The following ITGAE variants were observed in gnomAD, a reference collection of about 807,000 sequenced individuals.
ITGAE encodes integrin alpha-E.
Under a neutral mutation model 136.5 loss-of-function variants are expected in ITGAE, and 99 were observed. The ratio of observed to expected loss-of-function variants is 0.73; its 90% CI spans 0.62 to 0.86. The LOEUF (loss-of-function observed/expected upper bound fraction) is 0.86, where lower values mean the gene tolerates loss of function less well. Ranked by LOEUF, ITGAE falls within the 40% of genes least tolerant of loss-of-function variation. The probability of loss-of-function intolerance (pLI) is 0.00; values close to 1 mark genes in which losing one functional copy is unlikely to be tolerated. For synonymous variants in ITGAE, 613 were observed against 591.8 expected (o/e 1.04, Z -0.52); for missense variants, 1,447 against 1,515.3 (o/e 0.95, Z 0.75).
At chr17:3,763,991 C>A in intron 2 of ITGAE, 31 bp from the exon 3 acceptor site, 1 of 1,510,164 alleles carries the variant, frequency 6.6e-7, no homozygotes, top group South Asian at 1.1e-5. Context: ...CAAAGCTGAG[C>A]TGGCTGATGT....
intron 2 of ITGAE, among the ~76,000 whole-genome samples, chr17:3,776,895 C>T (rs1417976636): frequency 1.3e-5 from 2 of 150,678 alleles, no homozygotes; most frequent in Non-Finnish European, 3.0e-5. Flanking sequence ...TCCAAATGTT[C>T]TATATTGAAC....
chr17:3,750,456 TGG>T lies in ITGAE; in HGVS notation c.1918_1919del (p.Pro640ArgfsTer14). 3 of 1,614,114 alleles carry T rather than the reference TGG, an allele frequency of 1.9e-6. No individual in the cohort carries two copies. The highest frequency in any genetic ancestry group is 2.5e-6 in the Non-Finnish European group (3 of 1,180,014). ...SQRIRASTVAPGLQYFGMSMA... is the reference protein window; with the variant it reads ...SQRIRASTVAXGLQYFGMSMA... ...TGGACATGCCGAAGTACTGGAGTCC[TGG>T]GGCCACCGTGGAGGCTCTGATCCGC... On this transcript the variant is annotated frameshift_variant, in exon 16 of 31. Coordinates refer to ENST00000263087, the MANE Select transcript of ITGAE (RefSeq NM_002208.5). LOFTEE classifies it high-confidence loss of function.
At chr17:3,774,670 C>T (rs1343068933) in intron 2 of ITGAE, among the ~76,000 whole-genome samples, 1 of 152,132 alleles carries the variant, frequency 6.6e-6, no homozygotes, top group Non-Finnish European at 1.5e-5. Context: ...GAGGCTGAGG[C>T]AGGAGAATCA....
chr17:3,762,747 G>A (rs937868745), intron 3 of ITGAE, among the ~76,000 whole-genome samples: 5 of 151,368 alleles, frequency 3.3e-5, no homozygotes, highest in African/African-American at 9.7e-5. Context: ...ACGTGTGCCC[G>A]TCACCACACC....
At position 3,755,160 on chromosome 17, in the gene ITGAE, C is replaced by T. The variant is rs761960415; in HGVS notation, c.1341G>A (p.Ala447=). ...CAGCCTCCGCGTCTGCCGCCGCCGCCGCTGTCTGGTTCAGGAAGCGGCCCC... is the reference window on the plus strand; with the variant it reads ...CAGCCTCCGCGTCTGCCGCCGCCGCTGCTGTCTGGTTCAGGAAGCGGCCCC... ...SRRGRFLNQT[A]AAAADAEAAQ... The change falls in exon 12 of 31, where the codon GCG becomes GCA. Residue 447 remains alanine, a synonymous_variant. Transcript: ENST00000263087. The T allele has an allele frequency of 5.2e-6, 8 of 1,544,550 alleles. No homozygotes were observed. The Admixed American group carries it at 5.5e-5, about 11-fold the overall frequency.
chr17:3,750,225 G>C (rs2051829351), intron 16 of ITGAE, 127 bp downstream of exon 16: 1 of 1,353,074 alleles, frequency 7.4e-7, no homozygotes, highest in Non-Finnish European at 1.0e-6. Context: ...GCAGACTCCA[G>C]AGCCTGTGCC....
At chr17:3,745,022 A>G (rs1228162215) in intron 18 of ITGAE, among the ~76,000 whole-genome samples, 1 of 152,166 alleles carries the variant, frequency 6.6e-6, no homozygotes, top group African/African-American at 2.4e-5. Flanking sequence ...GCATTTGTTT[A>G]TTGGAATAAA....
At position 3,761,053 on chromosome 17, in the gene ITGAE, T is replaced by TTCC. The variant is rs539432722; in HGVS notation, c.555_557dup (p.Glu186dup). 3 of 1,608,168 alleles carry TTCC rather than the reference T, an allele frequency of 1.9e-6. No individual in the cohort carries two copies. Among genetic ancestry groups the TTCC allele is most frequent in the Admixed American group, 3.3e-5 (2 of 59,926 alleles). ...CCTCGTCTTCCTCCTCCTCCTTGTC[T>TTCC]TCCTCCTCCTCCTTCTCCAGAGCCC... On this transcript the variant is annotated inframe_insertion, in exon 6 of 31. Transcript: ENST00000263087.
At chr17:3,719,900 G>T (rs2051015806) in intron 29 of ITGAE, among the ~76,000 whole-genome samples, 1 of 151,896 alleles carries the variant, frequency 6.6e-6, no homozygotes, top group African/African-American at 2.4e-5. Flanking sequence ...GCTAATTTTT[G>T]TATTTTTGGT....
At chr17:3,776,242 G>C (rs1002434038) in intron 2 of ITGAE, among the ~76,000 whole-genome samples, 1 of 152,046 alleles carries the variant, frequency 6.6e-6, no homozygotes, top group African/African-American at 2.4e-5. Flanking sequence ...ATTTTTAGTA[G>C]AGACGGGGTT....
chr17:3,725,344 A>G (rs1281688481), intron 26 of ITGAE: 1 of 1,614,104 alleles, frequency 6.2e-7, no homozygotes, highest in African/African-American at 1.3e-5. Flanking sequence ...TGCAGTCAGA[A>G]GGGTCCTGTC....
In ITGAE at chr17:3,728,020, C is replaced by A. The variant is rs1461845241; in HGVS notation, c.2983G>T (p.Gly995Trp). The A allele has an allele frequency of 7.4e-6, 12 of 1,613,262 alleles. No individual in the cohort carries two copies. Among genetic ancestry groups the A allele is most frequent in the Non-Finnish European group, 1.0e-5 (12 of 1,179,324 alleles). Residue 995 changes from glycine (G) to tryptophan (W), a missense_variant, in exon 26 of 31, where the codon GGG (glycine) becomes TGG (tryptophan). Gly to Trp is a radical substitution (Grantham distance 184). Transcript: ENST00000263087. Reference sequence around the variant, plus strand: ...TATTCTGCTCCAAAGAGGTTCTCCCCATGTACCTGCAAATTAAAATCAGAG... The same window carrying A: ...TATTCTGCTCCAAAGAGGTTCTCCCAATGTACCTGCAAATTAAAATCAGAG... ...HHKEFLFHVH[G>W]ENLFGAEYQL... is the part of the protein sequence containing the mutation.
At chr17:3,726,029 T>C (rs774937301) in intron 26 of ITGAE, 1 of 1,614,116 alleles carries the variant, frequency 6.2e-7, no homozygotes, top group Non-Finnish European at 8.5e-7. Flanking sequence ...GGGATGGGAT[T>C]GTGGTTTTCT....
At chr17:3,767,989 T>A (rs2052338005) in intron 2 of ITGAE, among the ~76,000 whole-genome samples, 1 of 152,044 alleles carries the variant, frequency 6.6e-6, no homozygotes, top group Non-Finnish European at 1.5e-5. Flanking sequence ...AAACAGATTC[T>A]CCCCCAGAGC....
At chr17:3,788,415 G>A (rs138344731) in intron 1 of ITGAE, among the ~76,000 whole-genome samples, 5 of 149,584 alleles carry the variant, frequency 3.3e-5, no homozygotes, top group South Asian at 2.1e-4. Context: ...TCAGCCTTTC[G>A]AGTAGCTGGG....
intron 6 of ITGAE, among the ~76,000 whole-genome samples, chr17:3,760,533 G>A (rs911113455): frequency 1.0e-4 from 14 of 133,974 alleles, no homozygotes; most frequent in African/African-American, 3.4e-4. Flanking sequence ...TCCGCCTCCC[G>A]GGTTCAAGCA....
chr17:3,779,055 A>T (rs894808105), intron 1 of ITGAE, among the ~76,000 whole-genome samples: 33 of 102,806 alleles, frequency 3.2e-4, no homozygotes, highest in African/African-American at 1.3e-3. Context: ...AACCTATAGT[A>T]AAAAAAAAAA....
Position 3,720,391 on chromosome 17 carries a change from A to T in ITGAE, c.3249T>A (p.Asp1083Glu), listed in dbSNP as rs761584342. The T allele has an allele frequency of 1.5e-5, 22 of 1,483,396 alleles. No individual in the cohort carries two copies. In the East Asian group the frequency reaches 1.6e-4, roughly 11 times the overall value. The allele number at this position is 1,483,396 out of a possible 1,614,324, so 91.9% of individuals were successfully genotyped here. A position where few individuals can be genotyped will look rare whatever the true frequency, so the allele number is the denominator to read the frequency against. The part of the protein sequence containing the change: ...SWDHSEELLK[D>E]VTELQILGEI... ...CACCAAGGATCTGCAGTTCAGTTAC[A>T]TCTTTTAGTAACTAGAAGATGGGGA... is the stretch of plus-strand genomic sequence containing the variant. Residue 1083 changes from aspartate (D) to glutamate (E), a missense_variant, in exon 29 of 31, where the codon GAT becomes GAA. By Grantham distance (45) the Asp-to-Glu change is conservative. Coordinates refer to ENST00000263087, the MANE Select transcript of ITGAE (RefSeq NM_002208.5).
At chr17:3,765,587 T>G (rs1221918302) in intron 2 of ITGAE, among the ~76,000 whole-genome samples, 2 of 151,882 alleles carry the variant, frequency 1.3e-5, no homozygotes, top group Non-Finnish European at 2.9e-5. Flanking sequence ...CCAAGCTGAC[T>G]TCCCACCCTC....
Sources: allele counts gnomAD v4.1 joint callset (sites outside exome capture counted in the v4.1 genomes callset), GRCh38; gene constraint gnomAD v4.1.1; transcripts MANE v1.5; gene names NCBI Gene and HGNC (gene_info 2026-07-23, HGNC 2026-07-21).